The following RARB variants were observed in gnomAD, a reference collection of about 807,000 sequenced individuals.
RARB encodes the protein HBV-activated protein.
RARB carries 17 observed loss-of-function variants against 51.9 expected under a neutral mutation model. The ratio of observed to expected loss-of-function variants is 0.33; its 90% CI spans 0.22 to 0.49. The LOEUF is 0.49. Among genes scored for constraint, RARB ranks in the 20% least tolerant of loss-of-function variants. RARB has a pLI of 0.99. For missense variants in RARB, 369 were observed against 550.8 expected (o/e 0.67, Z 3.30); for synonymous variants, 215 against 195.4 (o/e 1.10, Z -0.84).
chr3:25,063,126 T>A (rs190916591), intron 3 of RARB, among the ~76,000 whole-genome samples: 337 of 152,094 alleles, frequency 2.2e-3, no homozygotes, highest in Middle Eastern at 6.8e-3. Context: ...GAGTTGAGTC[T>A]AAAGATGTAA....
At chr3:25,044,499 C>G (rs1575133593) in intron 2 of RARB, among the ~76,000 whole-genome samples, 1 of 152,084 alleles carries the variant, frequency 6.6e-6, no homozygotes, top group Non-Finnish European at 1.5e-5. Context: ...AAAACAAATC[C>G]TCGAGTTCTC....
chr3:25,306,617 A>C (rs1450643925), intron 5 of RARB, among the ~76,000 whole-genome samples: 1 of 152,222 alleles, frequency 6.6e-6, no homozygotes, highest in Non-Finnish European at 1.5e-5. Context: ...ATTTTCTGGC[A>C]CTAGACTTTT....
intron 2 of RARB, among the ~76,000 whole-genome samples, chr3:24,934,632 A>G (rs1026801021): frequency 7.2e-5 from 11 of 152,074 alleles, no homozygotes; most frequent in African/African-American, 2.7e-4. Context: ...ACATTTAGTA[A>G]AAGTTTTGGT....
chr3:25,076,619 C>T (rs1304455255), intron 3 of RARB, among the ~76,000 whole-genome samples: 3 of 152,206 alleles, frequency 2.0e-5, no homozygotes, highest in South Asian at 4.1e-4. Context: ...GTTACCTGAA[C>T]GTTTACATAT....
At chr3:24,833,042 A>G (rs903301165) in intron 1 of RARB, 10 of 152,174 alleles carry the variant, frequency 6.6e-5, no homozygotes, top group African/African-American at 2.4e-4. Context: ...TAATCTCCAC[A>G]TGCTAATCTC....
At chr3:24,904,086 A>G (rs1361792503) in intron 2 of RARB, among the ~76,000 whole-genome samples, 1 of 152,234 alleles carries the variant, frequency 6.6e-6, no homozygotes, top group Non-Finnish European at 1.5e-5. Context: ...TGTTAATTTT[A>G]GAAACAACAA....
At chr3:25,218,741 C>T (rs535472035) in intron 5 of RARB, among the ~76,000 whole-genome samples, 1 of 152,288 alleles carries the variant, frequency 6.6e-6, no homozygotes, top group East Asian at 1.9e-4. Flanking sequence ...TATGATAATC[C>T]TGGGGAAAGC....
intron 3 of RARB, among the ~76,000 whole-genome samples, chr3:25,067,980 T>TA (rs1308173936): frequency 6.6e-6 from 1 of 150,700 alleles, no homozygotes; most frequent in Admixed American, 6.6e-5. Flanking sequence ...CTACTAAAAA[T>TA]AAAAAAATTA....
intron 3 of RARB, among the ~76,000 whole-genome samples, chr3:25,520,550 A>G (rs1032486837): frequency 6.6e-6 from 1 of 152,248 alleles, no homozygotes; most frequent in East Asian, 1.9e-4. Flanking sequence ...CATCCAACTG[A>G]TAACTCTTTT....
chr3:25,332,991 G>A (rs891696526), intron 5 of RARB, among the ~76,000 whole-genome samples: 46 of 152,106 alleles, frequency 3.0e-4, no homozygotes, highest in Admixed American at 1.0e-3. Context: ...ACCTATTCAA[G>A]GAGAACTACA....
intron 5 of RARB, among the ~76,000 whole-genome samples, chr3:25,350,860 C>T (rs1300682557): frequency 6.6e-6 from 1 of 152,146 alleles, no homozygotes; most frequent in Non-Finnish European, 1.5e-5. Context: ...GCTGCATGTC[C>T]CCTTGTTGCA....
chr3:25,360,191 C>T (rs570591212), intron 5 of RARB, among the ~76,000 whole-genome samples: 8 of 152,042 alleles, frequency 5.3e-5, no homozygotes, highest in Admixed American at 1.3e-4. Flanking sequence ...TAGGAGAGTT[C>T]GCTCTTCTTG....
chr3:24,912,538 G>C (rs1018288187), intron 2 of RARB, among the ~76,000 whole-genome samples: 6 of 152,138 alleles, frequency 3.9e-5, no homozygotes, highest in Admixed American at 3.9e-4. Flanking sequence ...CAATGGGTCT[G>C]AGTTTTAGGA....
At chr3:25,566,989 C>G (rs568913039) in intron 3 of RARB, among the ~76,000 whole-genome samples, 1 of 152,130 alleles carries the variant, frequency 6.6e-6, no homozygotes. Flanking sequence ...TGCCCAGTGG[C>G]CCTTGCCACA....
rs142051026 is a variant in RARB, at chr3:25,467,883, C to A, written c.306+6542C>A. 7.2e-5 allele frequency among the ~76,000 whole-genome samples: 11 copies of A among 152,236 alleles called. No individual in the cohort carries two copies. In the East Asian group the frequency reaches 1.7e-3, roughly 24 times the overall value. On this transcript the variant is annotated intron_variant, in intron 2 of 7. Coordinates refer to ENST00000330688, the MANE Select transcript of RARB (RefSeq NM_000965.5). Reference sequence around the variant, plus strand: ...CAACAGTGAACATGACAAAGTTCCTCATGGAATTTAGTGTCTCACACAAGG... The same window carrying A: ...CAACAGTGAACATGACAAAGTTCCTAATGGAATTTAGTGTCTCACACAAGG...
At chr3:24,909,971 G>A (rs556525174) in intron 2 of RARB, among the ~76,000 whole-genome samples, 15 of 152,116 alleles carry the variant, frequency 9.9e-5, no homozygotes, top group African/African-American at 2.6e-4. Flanking sequence ...CATTTATGCC[G>A]CAAAATTGAA....
intron 2 of RARB, among the ~76,000 whole-genome samples, chr3:24,903,419 G>A (rs1559389334): frequency 6.6e-6 from 1 of 152,014 alleles, no homozygotes; most frequent in Non-Finnish European, 1.5e-5. Context: ...GTGTTTAGAA[G>A]CTATTAAACA....
At position 25,436,803 on chromosome 3, in the gene RARB, C is replaced by A. The variant is rs114510724; in HGVS notation, c.157+7915C>A. On this transcript the variant is annotated intron_variant, in intron 1 of 7. Coordinates refer to ENST00000330688, the MANE Select transcript of RARB (RefSeq NM_000965.5). ...CAGCAGAAGCTGTGAAAAGTTCTCCCTTTCCAAGAGTTTTACTGCTGCTTC... is the reference window on the plus strand; with the variant it reads ...CAGCAGAAGCTGTGAAAAGTTCTCCATTTCCAAGAGTTTTACTGCTGCTTC... Among the ~76,000 whole-genome samples the A allele has an allele frequency of 4.1e-3, 629 of 152,310 alleles. 5 individuals carry two copies. Among genetic ancestry groups the A allele is most frequent in the African/African-American group, 0.015 (607 of 41,578 alleles).
intron 2 of RARB, among the ~76,000 whole-genome samples, chr3:24,952,848 G>T (rs77596207): frequency 0.02 from 3,040 of 151,744 alleles, 99 homozygotes; most frequent in African/African-American, 0.07. Context: ...ACCTTAAAAG[G>T]TAACAACCCC....
Sources: allele counts gnomAD v4.1 joint callset (sites outside exome capture counted in the v4.1 genomes callset), GRCh38; gene constraint gnomAD v4.1.1; transcripts MANE v1.5; gene names NCBI Gene and HGNC (gene_info 2026-07-23, HGNC 2026-07-21).